Variants in COG5 observed in about 807,000 individuals in gnomAD.
The protein encoded by COG5 is component of oligomeric golgi complex 5, also known as conserved oligomeric Golgi complex subunit 5.
Under a neutral mutation model 110.4 loss-of-function variants are expected in COG5, and 86 were observed. The observed-to-expected ratio is 0.78, with a 90% CI of 0.65 to 0.93. The LOEUF (loss-of-function observed/expected upper bound fraction) is 0.93. Among genes scored for constraint, COG5 ranks in the 40% least tolerant of loss-of-function variants. The pLI is 0.00. For missense variants in COG5, 1,077 were observed against 987.0 expected (o/e 1.09, Z -1.22); for synonymous variants, 360 against 334.6 (o/e 1.08, Z -0.83).
chr7:107,412,673 C>T, intron 6 of COG5, 41 bp from the exon 7 acceptor site: 2 of 1,198,286 alleles, frequency 1.7e-6, no homozygotes, highest in Admixed American at 1.8e-5. Context: ...TATTTCAATA[C>T]TGAATAAATA....
chr7:107,276,269 A>C (rs1209903740), intron 14 of COG5, among the ~76,000 whole-genome samples: 1 of 152,204 alleles, frequency 6.6e-6, no homozygotes, highest in African/African-American at 2.4e-5. Context: ...GTTGATATCA[A>C]AAAAGTTTAC....
chr7:107,337,387 T>C (rs1248209632), intron 10 of COG5, among the ~76,000 whole-genome samples: 1 of 152,178 alleles, frequency 6.6e-6, no homozygotes, highest in Non-Finnish European at 1.5e-5. Flanking sequence ...GAAATCAACC[T>C]AAGCGTCCAT....
chr7:107,529,187 C>G (rs1800997625), intron 5 of COG5, among the ~76,000 whole-genome samples: 1 of 151,976 alleles, frequency 6.6e-6, no homozygotes, highest in African/African-American at 2.4e-5. Flanking sequence ...GAAAAGTCAC[C>G]CTCGTATCTC....
intron 7 of COG5, among the ~76,000 whole-genome samples, chr7:107,384,225 A>G (rs1232820082): frequency 6.6e-6 from 1 of 152,060 alleles, no homozygotes; most frequent in Non-Finnish European, 1.5e-5. Context: ...TTCCCCCAAA[A>G]TAGCGCCCCC....
intron 7 of COG5, among the ~76,000 whole-genome samples, chr7:107,379,667 A>G (rs570067294): frequency 1.2e-4 from 18 of 152,070 alleles, no homozygotes; most frequent in African/African-American, 4.3e-4. Flanking sequence ...ACCAACAAAG[A>G]TAAAAAAAGA....
At chr7:107,285,764 G>A (rs1055197885) in intron 12 of COG5, among the ~76,000 whole-genome samples, 2 of 151,672 alleles carry the variant, frequency 1.3e-5, no homozygotes, top group African/African-American at 2.4e-5. Flanking sequence ...AGCTACTCAG[G>A]AGACTGAGAG....
intron 12 of COG5, among the ~76,000 whole-genome samples, chr7:107,284,962 T>C (rs891172376): frequency 1.3e-5 from 2 of 152,212 alleles, no homozygotes; most frequent in Non-Finnish European, 2.9e-5. Context: ...AACTTGGCTT[T>C]CTCTTTTTCT....
At chr7:107,253,736 C>G (rs563833949) in intron 16 of COG5, among the ~76,000 whole-genome samples, 6 of 152,286 alleles carry the variant, frequency 3.9e-5, no homozygotes, top group African/African-American at 1.4e-4. Context: ...ACTCCTGCTC[C>G]TTTACTCTCA....
At chr7:107,264,250 C>T (rs555166711) in intron 14 of COG5, among the ~76,000 whole-genome samples, 1 of 151,968 alleles carries the variant, frequency 6.6e-6, no homozygotes, top group East Asian at 1.9e-4. Flanking sequence ...GGCATAAAAT[C>T]TATTAGCAAT....
chr7:107,344,813 C>T (rs770828183), intron 10 of COG5, among the ~76,000 whole-genome samples: 7 of 152,156 alleles, frequency 4.6e-5, no homozygotes, highest in Non-Finnish European at 7.4e-5. Context: ...CGTGACCCAC[C>T]GCGCCTGGCC....
intron 6 of COG5, among the ~76,000 whole-genome samples, chr7:107,414,052 C>T (rs548714129): frequency 6.6e-6 from 1 of 152,178 alleles, no homozygotes; most frequent in African/African-American, 2.4e-5. Context: ...AGTATTCCTC[C>T]GATATTCTTC....
chr7:107,371,955 G>A (rs1814208298), intron 8 of COG5, among the ~76,000 whole-genome samples: 1 of 152,124 alleles, frequency 6.6e-6, no homozygotes, highest in African/African-American at 2.4e-5. Flanking sequence ...AGTAAGGATG[G>A]ACATAATCTG....
At chr7:107,244,900 A>T (rs1452478540) in intron 17 of COG5, among the ~76,000 whole-genome samples, 2 of 152,214 alleles carry the variant, frequency 1.3e-5, no homozygotes, top group African/African-American at 4.8e-5. Flanking sequence ...TTCCTACAGA[A>T]ACTATTCCAA....
chr7:107,554,504 C>T lies in COG5; in HGVS notation c.235-162G>A, dbSNP rs2520271. Among the ~76,000 whole-genome samples, 42,468 of 151,958 alleles carry T rather than the reference C, an allele frequency of 0.28. 5,962 individuals are homozygous for T. Among genetic ancestry groups the T allele is most frequent in the East Asian group, 0.33 (1,711 of 5,162 alleles). ...AGGTGTGTCTGAGATGAGTTGTAAG[C>T]GGGAACACACATACATTTACAGTTC... On this transcript the variant is annotated intron_variant, in intron 2 of 21. Coordinates refer to ENST00000297135, the MANE Select transcript of COG5 (RefSeq NM_006348.5).
intron 10 of COG5, among the ~76,000 whole-genome samples, chr7:107,337,319 T>C (rs1258121374): frequency 6.6e-6 from 1 of 152,136 alleles, no homozygotes; most frequent in East Asian, 1.9e-4. Flanking sequence ...AAGAAAAGGA[T>C]ATAGTGTATC....
At chr7:107,370,246 C>A (rs544775959) in intron 8 of COG5, among the ~76,000 whole-genome samples, 1 of 152,146 alleles carries the variant, frequency 6.6e-6, no homozygotes, top group South Asian at 2.1e-4. Flanking sequence ...CATTCACTCT[C>A]AGAAACACAC....
intron 11 of COG5, among the ~76,000 whole-genome samples, chr7:107,304,004 T>C (rs567372083): frequency 2.6e-5 from 4 of 152,268 alleles, no homozygotes; most frequent in Admixed American, 6.5e-5. Flanking sequence ...TAAACTCACA[T>C]TAAACAACCT....
chr7:107,390,346 G>A (rs115532002), intron 7 of COG5, among the ~76,000 whole-genome samples: 1,810 of 152,112 alleles, frequency 0.012, 22 homozygotes, highest in African/African-American at 0.041. Flanking sequence ...CCTCTCTTAC[G>A]GCAAGGTATA....
intron 11 of COG5, among the ~76,000 whole-genome samples, chr7:107,308,775 T>C (rs1259687994): frequency 6.6e-6 from 1 of 151,200 alleles, no homozygotes; most frequent in East Asian, 2.0e-4. Context: ...TTTGTATCAC[T>C]ATGAATGTAT....
Sources: allele counts gnomAD v4.1 joint callset (sites outside exome capture counted in the v4.1 genomes callset), GRCh38; gene constraint gnomAD v4.1.1; transcripts MANE v1.5; gene names NCBI Gene and HGNC (gene_info 2026-07-23, HGNC 2026-07-21).